The following NUP153 variants were observed in gnomAD, a reference collection of about 807,000 sequenced individuals.
NUP153 encodes the protein nuclear pore complex protein Nup153.
In NUP153, 27 loss-of-function variants were observed where a neutral mutation model predicts 134.6. The observed-to-expected ratio is 0.20, with a 90% CI of 0.15 to 0.28. NUP153 has a LOEUF of 0.28. Among genes scored for constraint, NUP153 ranks in the 10% least tolerant of loss-of-function variants. The pLI, the probability that NUP153 is intolerant of heterozygous loss-of-function variation, is 1.00. For synonymous variants in NUP153, 640 were observed against 623.5 expected, an observed-to-expected ratio of 1.03 and a Z score of -0.40; for missense variants, 1,821 against 1,731.3, an observed-to-expected ratio of 1.05 and a Z score of -0.92.
At chr6:17,658,728 T>C (rs1026846960) in intron 11 of NUP153, among the ~76,000 whole-genome samples, 5 of 152,348 alleles carry the variant, frequency 3.3e-5, no homozygotes, top group Non-Finnish European at 5.9e-5. Flanking sequence ...TGTTTTGAAG[T>C]GTCGTCTTCT....
chr6:17,626,342 A>T (rs1054954151), intron 18 of NUP153, among the ~76,000 whole-genome samples, 178 bp from the exon 19 acceptor site: 1 of 152,238 alleles, frequency 6.6e-6, no homozygotes, highest in African/African-American at 2.4e-5. Context: ...GACAAAGTCA[A>T]ATACATTCAT....
chr6:17,649,113 A>C (rs1766369893), intron 12 of NUP153, 50 bp downstream of exon 12: 2 of 1,489,992 alleles, frequency 1.3e-6, no homozygotes, highest in African/African-American at 2.9e-5. Flanking sequence ...TTTTAAATAA[A>C]GAATTAAGAA....
rs1042338658 is a variant in NUP153, at chr6:17,646,936, T to A, written c.1633-782A>T. 3.3e-4 allele frequency among the ~76,000 whole-genome samples: 49 copies of A among 150,364 alleles called. No individual in the cohort carries two copies. In the East Asian group the frequency reaches 6.9e-3, roughly 21 times the overall value. On this transcript the variant is annotated intron_variant, in intron 13 of 21. Coordinates refer to ENST00000262077, the MANE Select transcript of NUP153 (RefSeq NM_005124.4). The stretch of plus-strand genomic sequence containing the variant: ...GTATTTTCTTTTTTTTTTTTTTTTT[T>A]AGTAGAGACGAGGTTCCACTATGTT...
chr6:17,643,512 C>A (rs184565322), intron 14 of NUP153, among the ~76,000 whole-genome samples: 2 of 152,148 alleles, frequency 1.3e-5, no homozygotes, highest in South Asian at 4.1e-4. Context: ...ACTCGTACAA[C>A]TATGCCAAAA....
At position 17,669,465 on chromosome 6, in the gene NUP153, A is replaced by G. The variant is rs1767761992; in HGVS notation, c.934T>C (p.Leu312=). The G allele has an allele frequency of 6.2e-7, 1 of 1,614,098 alleles. No individual in the cohort carries two copies. Among genetic ancestry groups the G allele is most frequent in the Non-Finnish European group, 8.5e-7 (1 of 1,179,954 alleles). The stretch of plus-strand genomic sequence containing the variant: ...CTTGACATCTTCTCTAAAGACTGCA[A>G]TATTCGCCGAGCTGTTGAACTGGTC... ...GVTSSTARRI[L]QSLEKMSSPL... Residue 312 remains leucine (L), a synonymous_variant, in exon 6 of 22, where the codon TTG becomes CTG. Coordinates refer to ENST00000262077, the MANE Select transcript of NUP153 (RefSeq NM_005124.4).
At chr6:17,690,647 G>A (rs1769219132) in intron 1 of NUP153, among the ~76,000 whole-genome samples, 1 of 152,060 alleles carries the variant, frequency 6.6e-6, no homozygotes, top group Admixed American at 6.6e-5. Context: ...ATTTCACGAA[G>A]CAGATTTAGT....
At position 17,666,054 on chromosome 6, in the gene NUP153, G is replaced by A. The variant is rs151069864; in HGVS notation, c.1069-669C>T. On this transcript the variant is annotated intron_variant, in intron 8 of 21. Coordinates refer to ENST00000262077, the MANE Select transcript of NUP153 (RefSeq NM_005124.4). ...TGCCCAGGCTGATCTCAAACTTCTG[G>A]GCTCAAGCAATCCTTCTGCCTCAGC... is the stretch of plus-strand genomic sequence containing the variant. 5.0e-3 allele frequency among the ~76,000 whole-genome samples: 765 copies of A among 151,492 alleles called. 6 individuals are homozygous for A. Among genetic ancestry groups the A allele is most frequent in the African/African-American group, 0.018 (734 of 41,242 alleles).
chr6:17,668,776 T>C lies in NUP153; in HGVS notation c.1068+199A>G, dbSNP rs76736580. Among the ~76,000 whole-genome samples the C allele has an allele frequency of 5.3e-4, 81 of 151,626 alleles. 1 individual carries two copies. In the South Asian group the frequency reaches 0.014, roughly 26 times the overall value. Reference sequence around the variant, plus strand: ...GAGAATCGCTTGAACCTGGGAGCCATAGGTCGCAGTGAGTCAAGATGGCAC... The same window carrying C: ...GAGAATCGCTTGAACCTGGGAGCCACAGGTCGCAGTGAGTCAAGATGGCAC... On this transcript the variant is annotated intron_variant, in intron 8 of 21. Coordinates refer to ENST00000262077, the MANE Select transcript of NUP153 (RefSeq NM_005124.4).
rs1335321484 is a variant in NUP153, at chr6:17,700,096, T to G, written c.111+6181A>C. On this transcript the variant is annotated intron_variant, in intron 1 of 21. Transcript: ENST00000262077. ...TTAGTCACCTAAAGGAAACAAAACT[T>G]CTGATAAGAAGCAGGAAAATTCAGA... Among the ~76,000 whole-genome samples, 4 of 152,042 alleles carry G rather than the reference T, an allele frequency of 2.6e-5. No individual in the cohort carries two copies. In the East Asian group the frequency reaches 7.7e-4, roughly 29 times the overall value.
intron 2 of NUP153, among the ~76,000 whole-genome samples, chr6:17,677,653 T>C (rs191082112): frequency 6.6e-6 from 1 of 152,256 alleles, no homozygotes; most frequent in African/African-American, 2.4e-5. Context: ...AGATCTCCTT[T>C]ATGTCCCTCA....
chr6:17,677,722 T>A (rs1455722271), intron 2 of NUP153, among the ~76,000 whole-genome samples: 1 of 127,764 alleles, frequency 7.8e-6, no homozygotes, highest in African/African-American at 3.0e-5. Flanking sequence ...AGTACATAAT[T>A]TTTTTTTTCC....
At position 17,629,333 on chromosome 6, in the gene NUP153, T is replaced by C. The variant is rs1168803549; in HGVS notation, c.2866A>G (p.Ile956Val). Residue 956 changes from isoleucine (I) to valine (V), a missense_variant, in exon 18 of 22, where the codon ATA becomes GTA. Physicochemically the swap from Ile to Val is conservative, Grantham distance 29. Transcript: ENST00000262077. ...MSEGFKFSKPIGDFKFGVSSE... is the reference protein window; with the variant it reads ...MSEGFKFSKPVGDFKFGVSSE... Reference sequence around the variant, plus strand: ...GAAACTCCAAATTTAAAATCTCCTATTGGTTTAGAAAATTTAAAGCCTTCA... The same window carrying C: ...GAAACTCCAAATTTAAAATCTCCTACTGGTTTAGAAAATTTAAAGCCTTCA... 1 of 1,608,604 alleles carries C rather than the reference T, an allele frequency of 6.2e-7. No homozygotes were observed. Among genetic ancestry groups the C allele is most frequent in the East Asian group, 2.2e-5 (1 of 44,850 alleles).
At chr6:17,703,210 A>G (rs1770242621) in intron 1 of NUP153, among the ~76,000 whole-genome samples, 2 of 150,104 alleles carry the variant, frequency 1.3e-5, no homozygotes, top group Non-Finnish European at 1.5e-5. Context: ...AAAAAAAAAA[A>G]AAAATTAAAA....
At chr6:17,649,618 C>T (rs1254803598) in intron 11 of NUP153, among the ~76,000 whole-genome samples, 1 of 152,126 alleles carries the variant, frequency 6.6e-6, no homozygotes, top group Non-Finnish European at 1.5e-5. Context: ...CCTACCTTAT[C>T]CATGGTTTCA....
Position 17,632,861 on chromosome 6 carries a change from A to G in NUP153, c.2465-17T>C. ...CTGAACTTCCTAAAAAAAAAAAAAA[A>G]AACGGGGAGTGGGGGGAGATTTCAT... On this transcript the variant is annotated splice_polypyrimidine_tract_variant and intron_variant, in intron 16 of 21. Coordinates refer to ENST00000262077, the MANE Select transcript of NUP153 (RefSeq NM_005124.4). 1 of 1,536,164 alleles carries G rather than the reference A, an allele frequency of 6.5e-7. No homozygotes were observed. Among genetic ancestry groups the G allele is most frequent in the Non-Finnish European group, 8.7e-7 (1 of 1,149,450 alleles).
At position 17,638,479 on chromosome 6, in the gene NUP153, A is replaced by G. The variant is rs942469; in HGVS notation, c.1847-709T>C. On this transcript the variant is annotated intron_variant, in intron 15 of 21. Transcript: ENST00000262077. This position sits in a 1 kb window ranked among gnomAD's most constrained non-coding sequence, Gnocchi z 4.0. ...TTATTAGAGGTTTTCTAGTTCCACA[A>G]AATAATCCAGCCTAGAGCTATTTTT... Among the ~76,000 whole-genome samples the G allele has an allele frequency of 8.8e-3, 1,337 of 152,358 alleles. 13 individuals are homozygous for G. Among genetic ancestry groups the G allele is most frequent in the Non-Finnish European group, 0.015 (1,006 of 68,036 alleles).
chr6:17,678,416 G>A (rs1167793565), intron 2 of NUP153, among the ~76,000 whole-genome samples: 1 of 145,636 alleles, frequency 6.9e-6, no homozygotes, highest in East Asian at 2.1e-4. Flanking sequence ...TGTTAAGGAA[G>A]TAACAGTTTC....
At position 17,669,031 on chromosome 6, in the gene NUP153, GA is replaced by G. The variant is rs201122253; in HGVS notation, c.1015-4del. The G allele has an allele frequency of 0.16, 185,084 of 1,171,166 alleles. 2,110 individuals are homozygous for G. The highest frequency in any genetic ancestry group is 0.32 in the East Asian group (11,063 of 34,068). 72.5% of individuals were successfully genotyped at this position (1,171,166 alleles called of 1,614,324 possible). Reference sequence around the variant, plus strand: ...TCTATCCCACTCCTATCAAGAGGCTGAAAAAAAAAAAAAACACTATTAGAAT... The same window carrying G: ...TCTATCCCACTCCTATCAAGAGGCTGAAAAAAAAAAAAACACTATTAGAAT... On this transcript the variant is annotated splice_polypyrimidine_tract_variant and splice_region_variant and intron_variant, in intron 7 of 21. Coordinates refer to ENST00000262077, the MANE Select transcript of NUP153 (RefSeq NM_005124.4).
intron 2 of NUP153, among the ~76,000 whole-genome samples, chr6:17,678,569 C>T (rs80132069): frequency 0.011 from 1,628 of 152,208 alleles, 32 homozygotes; most frequent in African/African-American, 0.036. Context: ...TTGATTAATG[C>T]TCTCCTCAGT....
Sources: allele counts gnomAD v4.1 joint callset (sites outside exome capture counted in the v4.1 genomes callset), GRCh38; gene constraint gnomAD v4.1.1; non-coding constraint Gnocchi (gnomAD v3.1); transcripts MANE v1.5; gene names NCBI Gene and HGNC (gene_info 2026-07-23, HGNC 2026-07-21).